The following DCTN4 variants were observed in gnomAD, a reference collection of about 807,000 sequenced individuals.
DCTN4 encodes dynactin 4 (p62).
Under a neutral mutation model 62.7 loss-of-function variants are expected in DCTN4, and 23 were observed. The observed-to-expected ratio is 0.37, with a 90% CI of 0.26 to 0.52. The LOEUF (loss-of-function observed/expected upper bound fraction) is 0.52. DCTN4 is among the 20% of genes least tolerant of loss of function. The pLI is 0.92. For synonymous variants in DCTN4, 199 were observed against 202.1 expected, an observed-to-expected ratio of 0.98 and a Z score of 0.13; for missense variants, 514 against 580.4, an observed-to-expected ratio of 0.89 and a Z score of 1.18.
chr5:150,724,658 T>C (rs1326217438), intron 8 of DCTN4, among the ~76,000 whole-genome samples: 1 of 152,224 alleles, frequency 6.6e-6, no homozygotes, highest in Non-Finnish European at 1.5e-5. Flanking sequence ...TATAATCACT[T>C]GACCTAGCAA....
intron 3 of DCTN4, among the ~76,000 whole-genome samples, chr5:150,750,973 A>G (rs1221078898): frequency 6.6e-6 from 1 of 152,198 alleles, no homozygotes; most frequent in Non-Finnish European, 1.5e-5. Context: ...AAGAAATGGC[A>G]GAAATAACAC....
intron 2 of DCTN4, 146 bp from the exon 3 acceptor site, chr5:150,753,803 T>C (rs1581605793): frequency 2.7e-6 from 2 of 736,012 alleles, no homozygotes; most frequent in Non-Finnish European, 2.1e-6. Flanking sequence ...AGTTCAAGAG[T>C]ACTATATGTT....
At chr5:150,749,556 T>A (rs1282253144) in intron 3 of DCTN4, among the ~76,000 whole-genome samples, 1 of 152,024 alleles carries the variant, frequency 6.6e-6, no homozygotes, top group Non-Finnish European at 1.5e-5. Flanking sequence ...TGGTTCATGC[T>A]TTTAATCCCA....
chr5:150,730,948 C>T, intron 7 of DCTN4, 96 bp downstream of exon 7: 1 of 827,910 alleles, frequency 1.2e-6, no homozygotes, highest in Non-Finnish European at 2.0e-6. Flanking sequence ...CTACTAACAG[C>T]TATTCCATTA....
rs149691396 is a variant in DCTN4, at chr5:150,753,880, C to G, written c.207-223G>C. Among the ~76,000 whole-genome samples, 50 of 152,320 alleles carry G rather than the reference C, an allele frequency of 3.3e-4. 1 individual carries two copies. The East Asian group carries it at 3.5e-3, about 11-fold the overall frequency. On this transcript the variant is annotated intron_variant, in intron 2 of 12. Transcript: ENST00000447998. ...TAGAGCCCAACCCAATCCTACTCCA[C>G]AGAGAGAACCATTGTTAACAGATGG...
chr5:150,728,193 T>C (rs1335427660), intron 8 of DCTN4, among the ~76,000 whole-genome samples: 1 of 152,224 alleles, frequency 6.6e-6, no homozygotes, highest in Non-Finnish European at 1.5e-5. Flanking sequence ...TTGAGCATCT[T>C]AGCCTATTTA....
At chr5:150,730,049 C>T (rs1429729274) in intron 8 of DCTN4, among the ~76,000 whole-genome samples, 1 of 152,206 alleles carries the variant, frequency 6.6e-6, no homozygotes, top group Non-Finnish European at 1.5e-5. Flanking sequence ...AAGACTGACT[C>T]AGTACCTCAG....
rs200145293 is a variant in DCTN4 at position 150,711,283 on chromosome 5, C to G, written c.1249G>C (p.Val417Leu). The G allele has an allele frequency of 3.7e-6, 6 of 1,613,440 alleles. No individual in the cohort carries two copies. The highest frequency in any genetic ancestry group is 5.1e-6 in the Non-Finnish European group (6 of 1,179,970). The change falls in exon 13 of 13, where the codon GTG (valine) becomes CTG (leucine). Residue 417 changes from valine to leucine, a missense_variant. Transcript: ENST00000447998. The part of the protein sequence containing the change: ...TPQREEGEVT[V>L]CFKMKHDFKN... ...AAATCATGCTTCATCTTGAAGCACA[C>G]GGTCACTTCACCCTCCTCACGCTGT...
chr5:150,742,263 T>C, intron 3 of DCTN4, 106 bp from the exon 4 acceptor site: 2 of 1,118,200 alleles, frequency 1.8e-6, no homozygotes, highest in Non-Finnish European at 2.7e-6. Flanking sequence ...ACATAAGTTA[T>C]ATAGACCATT....
chr5:150,712,508 G>A (rs1759608374), intron 12 of DCTN4, among the ~76,000 whole-genome samples: 1 of 152,122 alleles, frequency 6.6e-6, no homozygotes, highest in Non-Finnish European at 1.5e-5. Flanking sequence ...GTTCATGGTA[G>A]CCTTGACCTC....
chr5:150,727,795 A>C (rs958196253), intron 8 of DCTN4, among the ~76,000 whole-genome samples: 31 of 117,728 alleles, frequency 2.6e-4, no homozygotes, highest in Non-Finnish European at 4.2e-4. Context: ...AAAAAAAAAA[A>C]AACAAAAAAC....
chr5:150,751,008 T>C (rs912255619), intron 3 of DCTN4, among the ~76,000 whole-genome samples: 4 of 152,166 alleles, frequency 2.6e-5, no homozygotes, highest in Non-Finnish European at 5.9e-5. Context: ...ATTTTAGAAG[T>C]TGCCTCACTT....
intron 3 of DCTN4, among the ~76,000 whole-genome samples, chr5:150,748,522 G>T (rs1752544487): frequency 6.7e-6 from 1 of 150,266 alleles, no homozygotes; most frequent in Non-Finnish European, 1.5e-5. Flanking sequence ...CAATAGCAAA[G>T]ACTTGGAACC....
intron 3 of DCTN4, among the ~76,000 whole-genome samples, chr5:150,746,551 C>G (rs1760972045): frequency 1.3e-5 from 2 of 152,144 alleles, no homozygotes. Context: ...AAAATACTGG[C>G]AAACCGAATG....
At chr5:150,740,838 G>A (rs911502009) in intron 4 of DCTN4, among the ~76,000 whole-genome samples, 11 of 152,126 alleles carry the variant, frequency 7.2e-5, no homozygotes, top group African/African-American at 2.7e-4. Flanking sequence ...TCATAAGAGG[G>A]AGCTAAGCTA....
chr5:150,714,548 A>T (rs1759687693), intron 12 of DCTN4, among the ~76,000 whole-genome samples: 2 of 146,252 alleles, frequency 1.4e-5, no homozygotes, highest in South Asian at 2.1e-4. Context: ...GGCTATTTTT[A>T]AAATTTTTTT....
chr5:150,722,930 T>C lies in DCTN4; in HGVS notation c.885A>G (p.Lys295=). Residue 295 remains lysine (K), a synonymous_variant, in exon 9 of 13, where the codon AAA becomes AAG. Transcript: ENST00000447998. The stretch of plus-strand genomic sequence containing the variant: ...ACACAGCGACCAGCTGGATTTTGAA[T>C]TTGATTGACGTTGGGTTAAATTCTG... ...SKPEFNPTSI[K]FKIQLVAVNY... The C allele has an allele frequency of 6.2e-7, 1 of 1,612,998 alleles. No individual in the cohort carries two copies. The highest frequency in any genetic ancestry group is 8.5e-7 in the Non-Finnish European group (1 of 1,179,538).
chr5:150,748,650 T>A lies in DCTN4; in HGVS notation c.385+4829A>T, dbSNP rs562315214. 3.3e-5 allele frequency among the ~76,000 whole-genome samples: 5 copies of A among 151,192 alleles called. No homozygotes were observed. In the South Asian group the frequency reaches 6.3e-4, roughly 19 times the overall value. On this transcript the variant is annotated intron_variant, in intron 3 of 12. Coordinates refer to ENST00000447998, the MANE Select transcript of DCTN4 (RefSeq NM_016221.4). ...ATGTCCTTTGTAGGGACATGGATGA[T>A]ATTGGAAATCATCATTCTCAGTAAA...
chr5:150,715,042 T>C (rs1025998188), intron 12 of DCTN4, among the ~76,000 whole-genome samples: 4 of 152,076 alleles, frequency 2.6e-5, no homozygotes, highest in African/African-American at 7.2e-5. Flanking sequence ...GTTCGAATCA[T>C]TGAAAACATT....
Sources: allele counts gnomAD v4.1 joint callset (sites outside exome capture counted in the v4.1 genomes callset), GRCh38; gene constraint gnomAD v4.1.1; transcripts MANE v1.5; gene names NCBI Gene and HGNC (gene_info 2026-07-23, HGNC 2026-07-21).